Variants in AIM2 observed in about 807,000 individuals in gnomAD.
AIM2 encodes the protein interferon-inducible protein AIM2.
A neutral mutation model predicts 27.7 loss-of-function variants in AIM2; 30 were observed. The ratio of observed to expected loss-of-function variants is 1.08; its 90% CI spans 0.81 to 1.47. The LOEUF is 1.47. AIM2 is among the 40% of genes most tolerant of loss of function. The pLI is 0.00. For synonymous variants in AIM2, 141 were observed against 145.3 expected (o/e 0.97, Z 0.21); for missense variants, 358 against 411.3 (o/e 0.87, Z 1.12).
chr1:159,109,337 G>A (rs568524245), intron 1 of AIM2, among the ~76,000 whole-genome samples: 7 of 152,176 alleles, frequency 4.6e-5, no homozygotes, highest in Non-Finnish European at 1.0e-4. Flanking sequence ...AAATGGTACT[G>A]GGCTAATTGG....
intron 1 of AIM2, among the ~76,000 whole-genome samples, chr1:159,109,438 C>T (rs1657519844): frequency 6.6e-6 from 1 of 152,144 alleles, no homozygotes; most frequent in Non-Finnish European, 1.5e-5. Context: ...AAATCTAAGA[C>T]CTGAAACTAT....
At chr1:159,063,879 C>T (rs1259213717) in intron 4 of AIM2, among the ~76,000 whole-genome samples, 2 of 152,212 alleles carry the variant, frequency 1.3e-5, no homozygotes, top group African/African-American at 4.8e-5. Context: ...CCTCCTCTTC[C>T]TCCTCAGTCT....
chr1:159,083,265 G>T (rs1398535214), intron 1 of AIM2, among the ~76,000 whole-genome samples: 1 of 152,176 alleles, frequency 6.6e-6, no homozygotes, highest in East Asian at 1.9e-4. Context: ...GTATTTGTAA[G>T]ATGTAGGGTT....
intron 1 of AIM2, among the ~76,000 whole-genome samples, chr1:159,120,532 G>A (rs371953030): frequency 3.3e-5 from 5 of 152,234 alleles, no homozygotes; most frequent in South Asian, 2.1e-4. Context: ...TGTCAAAAAC[G>A]TTAAGGATTA....
rs541126098 is a variant in AIM2, at chr1:159,068,609, C to A, written c.355G>T (p.Ala119Ser). The part of the protein sequence containing the change: ...AASAAIRNDV[A>S]KQRAAPKVSP... ...ACTTTTGGTGCAGCACGTTGCTTTG[C>A]GACATCATTTCTGATGGCTGCAGAT... Residue 119 changes from alanine (A) to serine (S), a missense_variant, in exon 3 of 6, where the codon GCA (alanine) becomes TCA (serine). Ala to Ser is a moderately conservative substitution (Grantham distance 99, BLOSUM62 1). Coordinates refer to ENST00000368130, the MANE Select transcript of AIM2 (RefSeq NM_004833.3). 6.2e-7 allele frequency: 1 copy of A among 1,613,800 alleles called. No individual in the cohort carries two copies. The highest frequency in any genetic ancestry group is 8.5e-7 in the Non-Finnish European group (1 of 1,179,830).
At chr1:159,105,557 C>A (rs374678201) in intron 1 of AIM2, among the ~76,000 whole-genome samples, 1 of 152,114 alleles carries the variant, frequency 6.6e-6, no homozygotes, top group Admixed American at 6.5e-5. Context: ...TATTGAGTAA[C>A]GGAACATCTT....
At chr1:159,067,745 G>A (rs1212360485) in intron 3 of AIM2, among the ~76,000 whole-genome samples, 1 of 152,146 alleles carries the variant, frequency 6.6e-6, no homozygotes, top group Non-Finnish European at 1.5e-5. Context: ...TCTAGACAAA[G>A]AGAATGAAGT....
chr1:159,055,120 A>G, the AIM2 span: 1 of 359,804 alleles, frequency 2.8e-6, no homozygotes. Flanking sequence ...TATAATTTGA[A>G]AAAATAAATA....
At chr1:159,083,608 T>C (rs1656831589) in intron 1 of AIM2, among the ~76,000 whole-genome samples, 1 of 152,232 alleles carries the variant, frequency 6.6e-6, no homozygotes, top group Non-Finnish European at 1.5e-5. Context: ...CATTTAGCTC[T>C]ACTAAATTTT....
rs1280607292 is a variant in AIM2 at position 159,075,609 on chromosome 1, T to TAGAG, written c.-21+1023_-21+1024insCTCT. 2.6e-3 allele frequency among the ~76,000 whole-genome samples: 379 copies of TAGAG among 147,006 alleles called. 4 individuals carry two copies. The highest frequency in any genetic ancestry group is 9.0e-3 in the African/African-American group (353 of 39,348). On this transcript the variant is annotated intron_variant, in intron 1 of 5. Transcript: ENST00000368130. ...TGGCTATACCTGCTATATATATATA[T>TAGAG]ATAGAGAGAGAGAGAGAGAGAGAGA...
chr1:159,138,937 T>C (rs1345297613), intron 1 of AIM2, among the ~76,000 whole-genome samples: 1 of 152,256 alleles, frequency 6.6e-6, no homozygotes, highest in Non-Finnish European at 1.5e-5. Flanking sequence ...CTATTTTACA[T>C]TCTGAGTATC....
intron 1 of AIM2, among the ~76,000 whole-genome samples, chr1:159,138,231 C>T (rs187065491): frequency 1.3e-5 from 2 of 152,222 alleles, no homozygotes; most frequent in Non-Finnish European, 2.9e-5. Context: ...AAACTCTAAT[C>T]CCAACTCTTC....
downstream of AIM2, among the ~76,000 whole-genome samples, chr1:159,061,413 G>A (rs1655829559): frequency 6.6e-6 from 1 of 151,858 alleles, no homozygotes; most frequent in Non-Finnish European, 1.5e-5. Context: ...TGTTTTTTGA[G>A]ACAGAGTCTT....
chr1:159,059,059 C>G (rs113635800), downstream of AIM2, among the ~76,000 whole-genome samples: 510 of 152,228 alleles, frequency 3.4e-3, 2 homozygotes, highest in Non-Finnish European at 5.6e-3. Flanking sequence ...CTCACTACTG[C>G]GAAGGTCCAA....
At chr1:159,106,722 A>G (rs1354624023) in intron 1 of AIM2, among the ~76,000 whole-genome samples, 1 of 152,230 alleles carries the variant, frequency 6.6e-6, no homozygotes, top group East Asian at 1.9e-4. Context: ...TTGCCCTGAT[A>G]TAATTTAGAA....
intron 1 of AIM2, among the ~76,000 whole-genome samples, chr1:159,112,807 A>C (rs1657603888): frequency 6.6e-6 from 1 of 152,152 alleles, no homozygotes; most frequent in Admixed American, 6.5e-5. Context: ...AAATGTTTAA[A>C]GCCACATTTC....
intron 1 of AIM2, among the ~76,000 whole-genome samples, chr1:159,110,306 T>C (rs766397654): frequency 6.6e-6 from 1 of 152,182 alleles, no homozygotes; most frequent in Non-Finnish European, 1.5e-5. Context: ...ACCAAGACCA[T>C]GGTCCACATA....
At chr1:159,082,587 G>C (rs1656804589) in intron 1 of AIM2, among the ~76,000 whole-genome samples, 1 of 152,098 alleles carries the variant, frequency 6.6e-6, no homozygotes, top group Non-Finnish European at 1.5e-5. Context: ...ACCACACCTA[G>C]CAAGATGATG....
At chr1:159,093,739 G>A (rs867884350) in intron 1 of AIM2, among the ~76,000 whole-genome samples, 4 of 150,308 alleles carry the variant, frequency 2.7e-5, no homozygotes, top group African/African-American at 7.4e-5. Context: ...TATACAGAGA[G>A]AGAGAGAGAG....
Sources: allele counts gnomAD v4.1 joint callset (sites outside exome capture counted in the v4.1 genomes callset), GRCh38; gene constraint gnomAD v4.1.1; transcripts MANE v1.5; gene names NCBI Gene and HGNC (gene_info 2026-07-23, HGNC 2026-07-21).